Variants in GFPT2 observed in about 807,000 individuals in gnomAD.
GFPT2 encodes the protein glutamine--fructose-6-phosphate aminotransferase [isomerizing] 2.
Under a neutral mutation model 85.6 loss-of-function variants are expected in GFPT2, and 62 were observed. The observed-to-expected ratio is 0.72, with a 90% CI of 0.59 to 0.90. The LOEUF is 0.90. Ranked by LOEUF, GFPT2 falls within the 40% of genes least tolerant of loss-of-function variation. GFPT2 has a pLI of 0.00. For missense variants in GFPT2, 788 were observed against 893.4 expected, an observed-to-expected ratio of 0.88 and a Z score of 1.50; for synonymous variants, 368 against 344.5, an observed-to-expected ratio of 1.07 and a Z score of -0.75.
intron 9 of GFPT2, among the ~76,000 whole-genome samples, chr5:180,319,546 A>T (rs1764079507): frequency 6.6e-6 from 1 of 152,254 alleles, no homozygotes; most frequent in African/African-American, 2.4e-5. Flanking sequence ...GAATCAATTT[A>T]TGAACTCCTA....
At chr5:180,307,762 A>T (rs1763808267) in intron 15 of GFPT2, among the ~76,000 whole-genome samples, 1 of 152,228 alleles carries the variant, frequency 6.6e-6, no homozygotes, top group Admixed American at 6.5e-5. Context: ...AAATTATTGC[A>T]CATCCCCAAG....
intron 9 of GFPT2, among the ~76,000 whole-genome samples, chr5:180,319,831 G>A (rs2127650949): frequency 1.3e-5 from 2 of 152,270 alleles, no homozygotes; most frequent in Middle Eastern, 3.4e-3. Context: ...GACAGAGGAA[G>A]ATGGTAAATG....
intron 16 of GFPT2, among the ~76,000 whole-genome samples, chr5:180,306,963 C>G (rs1312841040): frequency 6.6e-6 from 1 of 152,216 alleles, no homozygotes; most frequent in Non-Finnish European, 1.5e-5. Context: ...TTGGGAGATC[C>G]CTGGGGGCAG....
intron 17 of GFPT2, 21 bp from the exon 18 acceptor site, chr5:180,302,605 C>T: frequency 6.3e-7 from 1 of 1,593,522 alleles, no homozygotes; most frequent in Non-Finnish European, 8.6e-7. Flanking sequence ...GAAATAGCAT[C>T]ATAAAATAGA....
chr5:180,341,713 A>G (rs569752659), intron 1 of GFPT2, among the ~76,000 whole-genome samples: 42 of 152,162 alleles, frequency 2.8e-4, no homozygotes, highest in Admixed American at 2.4e-3. Context: ...CTTCCTTGCC[A>G]TCTTTAGATC....
rs1763964323 is a variant in GFPT2 at position 180,314,528 on chromosome 5, T to TC, written c.1274-565_1274-564insG. On this transcript the variant is annotated intron_variant, in intron 13 of 18. Coordinates refer to ENST00000253778, the MANE Select transcript of GFPT2 (RefSeq NM_005110.4). ...ACAAGCTCCCTATGTTTGTGAGTCCTAAAGCACTCAAATTAAATTCAGCAT... is the reference window on the plus strand; with the variant it reads ...ACAAGCTCCCTATGTTTGTGAGTCCTCAAAGCACTCAAATTAAATTCAGCAT... Among the ~76,000 whole-genome samples, 8 of 152,354 alleles carry TC rather than the reference T, an allele frequency of 5.3e-5. 1 individual carries two copies. The South Asian group carries it at 1.7e-3, about 32-fold the overall frequency.
intron 17 of GFPT2, 133 bp downstream of exon 17, chr5:180,304,639 C>T: frequency 1.2e-6 from 1 of 827,540 alleles, no homozygotes; most frequent in South Asian, 1.6e-5. Context: ...CACAGGCGGC[C>T]CGGGGGAGGG....
intron 16 of GFPT2, among the ~76,000 whole-genome samples, chr5:180,306,297 C>T (rs1763776747): frequency 6.6e-6 from 1 of 152,106 alleles, no homozygotes; most frequent in South Asian, 2.1e-4. Context: ...CATTGTCTTT[C>T]AAATGGGGGT....
At chr5:180,314,010 C>G in intron 13 of GFPT2, 46 bp from the exon 14 acceptor site, 1 of 1,535,300 alleles carries the variant, frequency 6.5e-7, no homozygotes, top group Non-Finnish European at 8.7e-7. Context: ...CCAGCCTCGG[C>G]CCCACCCCAA....
chr5:180,311,544 A>G (rs957980169), intron 15 of GFPT2, among the ~76,000 whole-genome samples: 1 of 152,222 alleles, frequency 6.6e-6, no homozygotes, highest in Non-Finnish European at 1.5e-5. Flanking sequence ...AGCGCCTGGC[A>G]TAGGAAGGAC....
At chr5:180,327,843 G>A (rs755212251) in intron 7 of GFPT2, among the ~76,000 whole-genome samples, 4 of 152,064 alleles carry the variant, frequency 2.6e-5, no homozygotes, top group Admixed American at 6.6e-5. Context: ...CTTGAGCCCC[G>A]GGCCTTCAAG....
In GFPT2 at chr5:180,324,825, A is replaced by T; in HGVS notation, c.667T>A (p.Tyr223Asn). 1 of 1,595,992 alleles carries T rather than the reference A, an allele frequency of 6.3e-7. No individual in the cohort carries two copies. Among genetic ancestry groups the T allele is most frequent in the Non-Finnish European group, 8.6e-7 (1 of 1,163,458 alleles). Residue 223 changes from tyrosine (Y) to asparagine (N), a missense_variant, in exon 8 of 19, where the codon TAC becomes AAC. Coordinates refer to ENST00000253778, the MANE Select transcript of GFPT2 (RefSeq NM_005110.4). The part of the protein sequence containing the change: ...KLSTEQIPIL[Y>N]RTCTLENVKN... Reference sequence around the variant, plus strand: ...TTCTTGAGAAACTTACACGTCCTGTATAAGATAGGGATCTGTTCTGTGGAG... The same window carrying T: ...TTCTTGAGAAACTTACACGTCCTGTTTAAGATAGGGATCTGTTCTGTGGAG...
intron 1 of GFPT2, among the ~76,000 whole-genome samples, chr5:180,347,113 C>T (rs1485102453): frequency 6.6e-6 from 1 of 152,212 alleles, no homozygotes; most frequent in Admixed American, 6.5e-5. Context: ...CAGGGAGGTG[C>T]CTTCAGGTTC....
At chr5:180,347,657 C>T (rs1238341496) in intron 1 of GFPT2, among the ~76,000 whole-genome samples, 4 of 152,170 alleles carry the variant, frequency 2.6e-5, no homozygotes, top group African/African-American at 9.6e-5. Flanking sequence ...AAGGGGCACG[C>T]AGGCAGGGCC....
intron 13 of GFPT2, among the ~76,000 whole-genome samples, chr5:180,314,880 T>C (rs1321169701): frequency 6.6e-6 from 1 of 152,218 alleles, no homozygotes; most frequent in Non-Finnish European, 1.5e-5. Flanking sequence ...GCCACTGCAT[T>C]ATTTTCATAT....
At chr5:180,337,379 G>A (rs1336463097) in intron 2 of GFPT2, among the ~76,000 whole-genome samples, 1 of 151,732 alleles carries the variant, frequency 6.6e-6, no homozygotes, top group Non-Finnish European at 1.5e-5. Context: ...CGTGAACCCA[G>A]GAGGCGGAGC....
At chr5:180,315,527 ATATGGAT>A (rs1334489811) in intron 13 of GFPT2, among the ~76,000 whole-genome samples, 1 of 152,132 alleles carries the variant, frequency 6.6e-6, no homozygotes, top group East Asian at 1.9e-4. Context: ...TGAAGTATTT[ATATGGAT>A]GAATATCATG....
rs1349328796 is a variant in GFPT2, at chr5:180,318,357, G to C, written c.958+436C>G. 6.6e-6 allele frequency among the ~76,000 whole-genome samples: 1 copy of C among 152,154 alleles called. No individual in the cohort carries two copies. Among genetic ancestry groups the C allele is most frequent in the Non-Finnish European group, 1.5e-5 (1 of 68,024 alleles). On this transcript the variant is annotated intron_variant, in intron 10 of 18. Transcript: ENST00000253778. The surrounding 1 kb of genome is among the most constrained non-coding windows in gnomAD (Gnocchi z 4.2). ...ATTCATGTTCTTAGACGTTTGCTCA[G>C]GCTGCCCTGTGGGGTAGAGGTTGTA...
intron 13 of GFPT2, 50 bp downstream of exon 13, chr5:180,316,291 G>T (rs1418019853): frequency 2.5e-6 from 4 of 1,601,826 alleles, no homozygotes; most frequent in Non-Finnish European, 3.4e-6. Flanking sequence ...AGAGGAGAGA[G>T]CCCAGAGCTG....
Sources: allele counts gnomAD v4.1 joint callset (sites outside exome capture counted in the v4.1 genomes callset), GRCh38; gene constraint gnomAD v4.1.1; non-coding constraint Gnocchi (gnomAD v3.1); transcripts MANE v1.5; gene names NCBI Gene and HGNC (gene_info 2026-07-23, HGNC 2026-07-21).